Variants in SPAG16 observed in about 807,000 individuals in gnomAD.
SPAG16 encodes the protein sperm associated antigen 16, also known as sperm-associated antigen 16 protein.
In SPAG16, 86 loss-of-function variants were observed where a neutral mutation model predicts 80.4. That is an observed-to-expected ratio of 1.07 (90% CI 0.90 to 1.28). The LOEUF (loss-of-function observed/expected upper bound fraction) is 1.28. Among genes scored for constraint, SPAG16 ranks in the 50% most tolerant of loss-of-function variants. SPAG16 has a pLI of 0.00. For synonymous variants in SPAG16, 294 were observed against 265.9 expected, an observed-to-expected ratio of 1.11 and a Z score of -1.03; for missense variants, 870 against 765.3, an observed-to-expected ratio of 1.14 and a Z score of -1.61.
At chr2:214,272,598 A>G (rs1027940953) in intron 15 of SPAG16, among the ~76,000 whole-genome samples, 27 of 152,246 alleles carry the variant, frequency 1.8e-4, no homozygotes, top group African/African-American at 6.5e-4. Flanking sequence ...AGCTTCATCC[A>G]TGTCCCTGCA....
intron 15 of SPAG16, among the ~76,000 whole-genome samples, chr2:214,168,164 AT>A (rs200580108): frequency 6.6e-6 from 1 of 150,584 alleles, no homozygotes; most frequent in African/African-American, 2.4e-5. Flanking sequence ...TAATTTTTGT[AT>A]TTTTTTTGTA....
At chr2:213,777,270 G>A (rs1444873938) in intron 10 of SPAG16, among the ~76,000 whole-genome samples, 2 of 95,594 alleles carry the variant, frequency 2.1e-5, no homozygotes, top group South Asian at 3.3e-4. Flanking sequence ...TTTTTGAGAC[G>A]TAGTCTCATT....
At chr2:213,637,821 A>G (rs2062427336) in intron 10 of SPAG16, among the ~76,000 whole-genome samples, 1 of 152,082 alleles carries the variant, frequency 6.6e-6, no homozygotes, top group Admixed American at 6.6e-5. Context: ...GTAGTGGCTA[A>G]TCTCGGCTCA....
intron 13 of SPAG16, among the ~76,000 whole-genome samples, chr2:214,017,249 A>G (rs1047008032): frequency 9.9e-5 from 15 of 152,158 alleles, no homozygotes; most frequent in Admixed American, 9.2e-4. Flanking sequence ...TCCTTGCTTT[A>G]AAATAGCTTC....
chr2:213,628,885 G>A (rs938820127), intron 10 of SPAG16, among the ~76,000 whole-genome samples: 2 of 152,086 alleles, frequency 1.3e-5, no homozygotes, highest in Non-Finnish European at 2.9e-5. Flanking sequence ...CAGTCAGTTT[G>A]TGTCTGTTAA....
intron 9 of SPAG16, among the ~76,000 whole-genome samples, chr2:213,487,196 AAT>A: frequency 6.6e-6 from 1 of 152,040 alleles, no homozygotes; most frequent in Non-Finnish European, 1.5e-5. Context: ...ATTATTATTT[AAT>A]TTATTTGGGG....
chr2:213,553,776 T>C (rs1222279688), intron 10 of SPAG16, among the ~76,000 whole-genome samples: 14 of 152,170 alleles, frequency 9.2e-5, no homozygotes, highest in Admixed American at 9.2e-4. Flanking sequence ...AAGTCCTCTC[T>C]GTGGATGCCC....
intron 15 of SPAG16, among the ~76,000 whole-genome samples, chr2:214,153,233 G>A (rs1232394651): frequency 6.6e-6 from 1 of 152,078 alleles, no homozygotes; most frequent in Non-Finnish European, 1.5e-5. Flanking sequence ...GAGTCCTCTG[G>A]TGGCCCTGTC....
intron 15 of SPAG16, among the ~76,000 whole-genome samples, chr2:214,226,775 A>T (rs1369876335): frequency 6.6e-6 from 1 of 152,098 alleles, no homozygotes; most frequent in Non-Finnish European, 1.5e-5. Context: ...TATTCAGTTC[A>T]GTCTTTGGAA....
chr2:214,161,652 A>G (rs114070468), intron 15 of SPAG16, among the ~76,000 whole-genome samples: 6,366 of 151,994 alleles, frequency 0.042, 181 homozygotes, highest in Middle Eastern at 0.075. Context: ...AGGGAGGGGA[A>G]TAACACACAC....
intron 10 of SPAG16, among the ~76,000 whole-genome samples, chr2:213,619,178 C>T (rs2061692524): frequency 6.6e-6 from 1 of 152,086 alleles, no homozygotes; most frequent in Admixed American, 6.6e-5. Flanking sequence ...GTGGACCCTT[C>T]CCTCTCAGCC....
intron 9 of SPAG16, among the ~76,000 whole-genome samples, chr2:213,442,305 C>T (rs1320574224): frequency 6.6e-6 from 1 of 152,212 alleles, no homozygotes; most frequent in Non-Finnish European, 1.5e-5. Context: ...ATTTCGTGTT[C>T]ATAATTAGCA....
chr2:213,944,077 T>C (rs2079334170), intron 12 of SPAG16, among the ~76,000 whole-genome samples: 1 of 152,136 alleles, frequency 6.6e-6, no homozygotes, highest in African/African-American at 2.4e-5. Flanking sequence ...AGGTCCAGAG[T>C]GTATGGGCCT....
chr2:213,534,192 T>C (rs1043802208), intron 10 of SPAG16, among the ~76,000 whole-genome samples: 4 of 152,116 alleles, frequency 2.6e-5, no homozygotes, highest in Non-Finnish European at 5.9e-5. Context: ...TCTACAATGG[T>C]GTTAATCTTT....
At chr2:214,115,192 T>A (rs1482515092) in intron 14 of SPAG16, among the ~76,000 whole-genome samples, 1 of 152,222 alleles carries the variant, frequency 6.6e-6, no homozygotes, top group Admixed American at 6.5e-5. Flanking sequence ...GTCACATACC[T>A]GCTAAGCAAT....
chr2:213,753,522 T>C (rs574904141), intron 10 of SPAG16, among the ~76,000 whole-genome samples: 2 of 152,228 alleles, frequency 1.3e-5, no homozygotes, highest in Non-Finnish European at 2.9e-5. Context: ...TCTATAATTT[T>C]AGAATGTATA....
At chr2:213,914,865 C>G (rs1055872074) in intron 11 of SPAG16, among the ~76,000 whole-genome samples, 9 of 151,868 alleles carry the variant, frequency 5.9e-5, no homozygotes, top group African/African-American at 2.2e-4. Context: ...GTTTATTTTC[C>G]TTACAGATGC....
intron 9 of SPAG16, among the ~76,000 whole-genome samples, chr2:213,414,392 C>T (rs907655709): frequency 2.0e-5 from 3 of 151,998 alleles, no homozygotes; most frequent in Non-Finnish European, 2.9e-5. Context: ...ACATTTTTTA[C>T]TGTAGAATAT....
chr2:214,401,342 A>C (rs1241662702), intron 15 of SPAG16, among the ~76,000 whole-genome samples: 1 of 151,986 alleles, frequency 6.6e-6, no homozygotes, highest in Non-Finnish European at 1.5e-5. Context: ...GATTTAGAGA[A>C]TTGCTTCAAA....
Sources: allele counts gnomAD v4.1 joint callset (sites outside exome capture counted in the v4.1 genomes callset), GRCh38; gene constraint gnomAD v4.1.1; transcripts MANE v1.5; gene names NCBI Gene and HGNC (gene_info 2026-07-23, HGNC 2026-07-21).